Variants in TET3 observed in about 807,000 individuals in gnomAD.
The protein encoded by TET3 is methylcytosine dioxygenase TET3.
TET3 carries 19 observed loss-of-function variants against 141.4 expected under a neutral mutation model. That is an observed-to-expected ratio of 0.13 (90% confidence interval 0.09 to 0.20). The LOEUF is 0.20. Among genes scored for constraint, TET3 ranks in the 10% least tolerant of loss-of-function variants. The probability of loss-of-function intolerance (pLI) is 1.00; values close to 1 mark genes in which losing one functional copy is unlikely to be tolerated. For missense variants in TET3, 1,874 were observed against 2,356.9 expected, an observed-to-expected ratio of 0.80 and a Z score of 4.24; for synonymous variants, 1,043 against 980.9, an observed-to-expected ratio of 1.06 and a Z score of -1.18.
chr2:74,010,422 C>A (rs533639955), intron 3 of TET3, among the ~76,000 whole-genome samples: 1 of 152,334 alleles, frequency 6.6e-6, no homozygotes, highest in Admixed American at 6.5e-5. Context: ...GCTCCCACCC[C>A]CACAGCCACC....
chr2:74,061,287 G>C (rs1688528946), intron 4 of TET3, among the ~76,000 whole-genome samples: 1 of 144,740 alleles, frequency 6.9e-6, no homozygotes, highest in African/African-American at 2.6e-5. Flanking sequence ...TGGCCAGGCA[G>C]AGGGGCTCCT....
intron 3 of TET3, among the ~76,000 whole-genome samples, chr2:74,019,612 AAT>A (rs2105234796): frequency 6.6e-6 from 1 of 152,330 alleles, no homozygotes; most frequent in Non-Finnish European, 1.5e-5. Context: ...AAATCCTTTT[AAT>A]AAACGCCGTG....
chr2:73,999,958 C>T (rs1277313831), intron 2 of TET3, among the ~76,000 whole-genome samples: 5 of 152,104 alleles, frequency 3.3e-5, no homozygotes, highest in Non-Finnish European at 4.4e-5. Context: ...CTCTGGGCTA[C>T]TTCTCTGGTG....
At chr2:74,099,759 C>A in intron 11 of TET3, 147 bp downstream of exon 11, 1 of 860,746 alleles carries the variant, frequency 1.2e-6, no homozygotes, top group Non-Finnish European at 1.8e-6. Context: ...CAGCCACAGC[C>A]AGCCTGATAG....
the TET3 span, among the ~76,000 whole-genome samples, chr2:74,118,912 G>A: frequency 6.6e-6 from 1 of 152,066 alleles, no homozygotes; most frequent in African/African-American, 2.4e-5. Context: ...TCCAACTTTT[G>A]CAATAATGTC....
intron 3 of TET3, among the ~76,000 whole-genome samples, chr2:74,017,961 CTTTTTTTTT>C (rs35319685): frequency 1.0e-5 from 1 of 97,232 alleles, no homozygotes; most frequent in Non-Finnish European, 1.9e-5. Flanking sequence ...TCTTCTGTCT[CTTTTTTTTT>C]TTTTTTTTTT....
chr2:74,009,079 C>CTG (rs1685295093), intron 3 of TET3, among the ~76,000 whole-genome samples: 1 of 152,214 alleles, frequency 6.6e-6, no homozygotes, highest in South Asian at 2.1e-4. Flanking sequence ...GCAGCATCCA[C>CTG]CGTCTCTCTC....
In TET3 at chr2:74,047,894, C is replaced by T; in HGVS notation, c.1977C>T (p.Pro659=). The T allele has an allele frequency of 6.2e-7, 1 of 1,613,408 alleles. No homozygotes were observed. The highest frequency in any genetic ancestry group is 8.5e-7 in the Non-Finnish European group (1 of 1,179,664). The stretch of plus-strand genomic sequence containing the variant: ...CACAGGGCTCTGCTGTGCCCCTGCC[C>T]CCAGAACCTTCTCTTGCGCTATTTG... ...PASQGSAVPL[P]PEPSLALFAP... is the part of the protein sequence containing the mutation. Residue 659 remains proline (P), a synonymous_variant, in exon 4 of 12, where the codon CCC becomes CCT. Transcript: ENST00000409262.
chr2:74,050,131 T>C (rs1687869961), intron 4 of TET3, among the ~76,000 whole-genome samples: 1 of 152,232 alleles, frequency 6.6e-6, no homozygotes, highest in African/African-American at 2.4e-5. Flanking sequence ...CCTTAGCCAA[T>C]ATTTTAATTG....
At chr2:74,078,081 C>A (rs1689611130) in intron 5 of TET3, among the ~76,000 whole-genome samples, 1 of 152,180 alleles carries the variant, frequency 6.6e-6, no homozygotes, top group Non-Finnish European at 1.5e-5. Flanking sequence ...AAACAGTTTT[C>A]ATCCTTTTGC....
intron 3 of TET3, among the ~76,000 whole-genome samples, chr2:74,041,240 C>A: frequency 6.6e-6 from 1 of 152,128 alleles, no homozygotes; most frequent in East Asian, 1.9e-4. Context: ...TAATTCCATC[C>A]CTTAAGGCCA....
chr2:74,045,345 C>T (rs1423354480), intron 3 of TET3, among the ~76,000 whole-genome samples: 3 of 152,208 alleles, frequency 2.0e-5, no homozygotes, highest in South Asian at 2.1e-4. Context: ...ATCATGCTTT[C>T]ACCTGCTGCC....
intron 5 of TET3, among the ~76,000 whole-genome samples, chr2:74,075,320 CTTTTTTTTTTTTT>C (rs971111434): frequency 2.5e-4 from 22 of 89,122 alleles, no homozygotes; most frequent in South Asian, 1.0e-3. Flanking sequence ...GAGCCAAATA[CTTTTTTTTTTTTT>C]TTTTTTTTTT....
At chr2:73,995,829 TC>T (rs1370952751) in intron 2 of TET3, among the ~76,000 whole-genome samples, 1 of 152,146 alleles carries the variant, frequency 6.6e-6, no homozygotes, top group Non-Finnish European at 1.5e-5. Context: ...GGGTTTGAGA[TC>T]CCAGCCCCCA....
chr2:74,082,439 T>G (rs1689884752), intron 6 of TET3, among the ~76,000 whole-genome samples: 2 of 152,134 alleles, frequency 1.3e-5, no homozygotes, highest in Admixed American at 6.5e-5. Context: ...AACTGGAGGT[T>G]ACATTCAAGG....
the TET3 span, among the ~76,000 whole-genome samples, chr2:74,115,928 C>T: frequency 1.3e-5 from 2 of 148,234 alleles, no homozygotes; most frequent in African/African-American, 5.0e-5. Flanking sequence ...GGTGGGAGGA[C>T]TGGTTAAGCC....
chr2:74,089,685 C>T (rs1198703653), intron 7 of TET3, among the ~76,000 whole-genome samples: 1 of 152,244 alleles, frequency 6.6e-6, no homozygotes, highest in East Asian at 1.9e-4. Flanking sequence ...GACCTGCAGG[C>T]TCGCAGTGGT....
At chr2:73,997,724 A>T (rs923743525) in intron 2 of TET3, among the ~76,000 whole-genome samples, 7 of 152,212 alleles carry the variant, frequency 4.6e-5, no homozygotes, top group Admixed American at 4.6e-4. Flanking sequence ...CCCATTCAGC[A>T]AACCTCGCCT....
intron 2 of TET3, among the ~76,000 whole-genome samples, chr2:73,995,460 C>T (rs911053338): frequency 2.6e-5 from 4 of 152,202 alleles, no homozygotes; most frequent in African/African-American, 4.8e-5. Context: ...GGAGAGGATC[C>T]GTGGTTTTTA....
Sources: allele counts gnomAD v4.1 joint callset (sites outside exome capture counted in the v4.1 genomes callset), GRCh38; gene constraint gnomAD v4.1.1; transcripts MANE v1.5; gene names NCBI Gene and HGNC (gene_info 2026-07-23, HGNC 2026-07-21).